TDP1: variants seen among roughly 807,000 people sequenced by gnomAD.
TDP1 encodes tyrosyl-DNA phosphodiesterase 1, also known as tyr-DNA phosphodiesterase 1.
A neutral mutation model predicts 81.5 loss-of-function variants in TDP1; 64 were observed. The ratio of observed to expected loss-of-function variants is 0.79; its 90% confidence interval spans 0.64 to 0.97. The LOEUF (loss-of-function observed/expected upper bound fraction) is 0.97. Ranked by LOEUF, TDP1 falls within the 50% of genes least tolerant of loss-of-function variation. The pLI, the probability that TDP1 is intolerant of heterozygous loss-of-function variation, is 0.00. For missense variants in TDP1, 723 were observed against 743.8 expected (o/e 0.97, Z 0.33); for synonymous variants, 256 against 264.3 (o/e 0.97, Z 0.30).
intron 3 of TDP1, 66 bp downstream of exon 3, chr14:89,963,739 A>C: frequency 1.3e-6 from 2 of 1,553,742 alleles, no homozygotes; most frequent in Non-Finnish European, 1.8e-6. Context: ...CCGTGAAACA[A>C]GGAGGGCAGC....
chr14:90,039,223 A>G (rs1888122215), intron 16 of TDP1, among the ~76,000 whole-genome samples: 1 of 152,254 alleles, frequency 6.6e-6, no homozygotes, highest in Non-Finnish European at 1.5e-5. Context: ...TTCAGATAAC[A>G]TTGATACCGT....
chr14:89,965,824 G>T (rs1892876269), intron 3 of TDP1: 4 of 984,890 alleles, frequency 4.1e-6, no homozygotes, highest in Non-Finnish European at 4.8e-6. Context: ...ACTTGGAGGA[G>T]GTAGAAGTTC....
At position 90,042,826 on chromosome 14, in the gene TDP1, A is replaced by C. The variant is rs1162719458; in HGVS notation, c.1754-244A>C. 3 of 967,874 alleles carry C rather than the reference A, an allele frequency of 3.1e-6. No homozygotes were observed. In the African/African-American group the frequency reaches 5.3e-5, roughly 17 times the overall value. The allele number at this position is 967,874 out of a possible 1,614,324, so 60.0% of individuals were successfully genotyped here. On this transcript the variant is annotated intron_variant, in intron 16 of 16. Transcript: ENST00000335725. ...GTGGGAATTATGAGAGCTGCAATTC[A>C]AAATGAGATTTGGATGGGGACACAG...
At chr14:90,032,938 CG>C (rs3215752) in intron 15 of TDP1, 167 bp from the exon 16 acceptor site, 11 of 851,212 alleles carry the variant, frequency 1.3e-5, no homozygotes, top group Non-Finnish European at 1.6e-5. Flanking sequence ...TAATTTGGGG[CG>C]GGGGGGTTGT....
rs35455108 is a variant in TDP1 at position 89,963,416 on chromosome 14, C to G, written c.302C>G (p.Pro101Arg). Residue 101 changes from proline (P) to arginine (R), a missense_variant, in exon 3 of 17, where the codon CCG becomes CGG. Coordinates refer to ENST00000335725, the MANE Select transcript of TDP1 (RefSeq NM_018319.4). The part of the protein sequence containing the change: ...SSDDELQPEM[P>R]QKQAEKVVIK... ...GATGATGAGCTGCAACCAGAAATGC[C>G]GCAGAAGCAGGCTGAGAAAGTGGTG... 1 of 1,614,076 alleles carries G rather than the reference C, an allele frequency of 6.2e-7. No individual in the cohort carries two copies. Among genetic ancestry groups the G allele is most frequent in the African/African-American group, 1.3e-5 (1 of 75,032 alleles).
rs1216062483 is a variant in TDP1 at position 90,001,066 on chromosome 14, G to A, written c.1541+7583G>A. On this transcript the variant is annotated intron_variant, in intron 14 of 16. Coordinates refer to ENST00000335725, the MANE Select transcript of TDP1 (RefSeq NM_018319.4). ...AATGTATTTCGTATGGTTCCTATTG[G>A]GTCTACGTAATATCTTATTGCCTGT... Among the ~76,000 whole-genome samples the A allele has an allele frequency of 2.0e-5, 3 of 152,016 alleles. No individual in the cohort carries two copies. The South Asian group carries it at 6.2e-4, about 32-fold the overall frequency.
rs1019636123 is a variant in TDP1 at position 89,976,554 on chromosome 14, T to G, written c.791+739T>G. Among the ~76,000 whole-genome samples, 66 of 141,834 alleles carry G rather than the reference T, an allele frequency of 4.7e-4. 1 individual carries two copies. Among genetic ancestry groups the G allele is most frequent in the African/African-American group, 1.7e-3 (62 of 36,848 alleles). 93.0% of individuals were successfully genotyped at this position (141,834 alleles called of 152,430 possible). A position where few individuals can be genotyped will look rare whatever the true frequency, so the allele number is the denominator to read the frequency against. On this transcript the variant is annotated intron_variant, in intron 7 of 16. Coordinates refer to ENST00000335725, the MANE Select transcript of TDP1 (RefSeq NM_018319.4). The stretch of plus-strand genomic sequence containing the variant: ...TTTTTTTTTTTTTTTTTTTTTTTTT[T>G]TAGACAGAGTCTCGCTCTGTTGCCC...
chr14:89,996,305 C>T (rs1276409622), intron 14 of TDP1, among the ~76,000 whole-genome samples: 3 of 152,182 alleles, frequency 2.0e-5, no homozygotes, highest in African/African-American at 4.8e-5. Flanking sequence ...CCATTTTCAC[C>T]ATTCTTACCC....
intron 2 of TDP1, among the ~76,000 whole-genome samples, chr14:89,959,822 T>C (rs999188521): frequency 1.1e-4 from 16 of 152,216 alleles, no homozygotes; most frequent in African/African-American, 3.9e-4. Flanking sequence ...TTAGCAACTC[T>C]TAGTACATAA....
At chr14:89,982,453 T>A (rs996718814) in intron 8 of TDP1, among the ~76,000 whole-genome samples, 1 of 152,214 alleles carries the variant, frequency 6.6e-6, no homozygotes, top group Non-Finnish European at 1.5e-5. Context: ...TAATGTAGCT[T>A]GTTCTCATGA....
At chr14:90,011,655 G>A (rs1884722152) in intron 14 of TDP1, among the ~76,000 whole-genome samples, 2 of 152,198 alleles carry the variant, frequency 1.3e-5, no homozygotes, top group African/African-American at 4.8e-5. Flanking sequence ...ATAGAGATCT[G>A]TGGAACTTTA....
Position 89,988,936 on chromosome 14 carries a change from A to T in TDP1, c.1163A>T (p.Asn388Ile). ...AAAGACCATGCCTCATCCATGCCTA[A>T]CGCAGAGTCCTGGCCTGTCGTAGGT... ...LLKDHASSMPNAESWPVVGQF... is the reference protein window; with the variant it reads ...LLKDHASSMPIAESWPVVGQF... Residue 388 changes from asparagine (N) to isoleucine (I), a missense_variant, in exon 11 of 17, where the codon AAC (asparagine) becomes ATC (isoleucine). By Grantham distance (149) the Asn-to-Ile change is moderately radical. Coordinates refer to ENST00000335725, the MANE Select transcript of TDP1 (RefSeq NM_018319.4). 1 of 1,614,198 alleles carries T rather than the reference A, an allele frequency of 6.2e-7. No individual in the cohort carries two copies. The highest frequency in any genetic ancestry group is 1.1e-5 in the South Asian group (1 of 91,086).
At chr14:89,990,695 T>A (rs531182399) in intron 12 of TDP1, among the ~76,000 whole-genome samples, 1 of 151,890 alleles carries the variant, frequency 6.6e-6, no homozygotes, top group South Asian at 2.1e-4. Context: ...GGGAACAACA[T>A]GGTATTTTTA....
chr14:89,991,971 A>C lies in TDP1; in HGVS notation c.1421A>C (p.His474Pro), dbSNP rs1248828708. The change falls in exon 13 of 17, where the codon CAT becomes CCT. Residue 474 changes from histidine to proline, a missense_variant. Physicochemically the swap from His to Pro is moderately conservative, Grantham distance 77 (BLOSUM62 -2). Transcript: ENST00000335725. ...IQTAEKQNWLHSYFHKWSAET... is the reference protein window; with the variant it reads ...IQTAEKQNWLPSYFHKWSAET... The stretch of plus-strand genomic sequence containing the variant: ...ACAGCTGAAAAACAGAATTGGCTGC[A>C]TTCCTATTTTCAGTAAGTAATTGGT... 1.2e-6 allele frequency: 2 copies of C among 1,612,602 alleles called. No homozygotes were observed.
At chr14:90,012,609 T>C (rs560061384) in intron 14 of TDP1, among the ~76,000 whole-genome samples, 36 of 152,066 alleles carry the variant, frequency 2.4e-4, no homozygotes, top group Non-Finnish European at 4.7e-4. Flanking sequence ...TTCAGAGGTG[T>C]GCTGCAGGGG....
At chr14:89,998,717 T>C (rs1183708079) in intron 14 of TDP1, among the ~76,000 whole-genome samples, 35 of 151,360 alleles carry the variant, frequency 2.3e-4, no homozygotes, top group Admixed American at 2.3e-3. Flanking sequence ...GGAAGAGCCA[T>C]GTGGATGGGT....
chr14:90,011,323 C>A (rs1453272561), intron 14 of TDP1, among the ~76,000 whole-genome samples: 2 of 152,006 alleles, frequency 1.3e-5, no homozygotes, highest in East Asian at 3.9e-4. Context: ...TATAAGGATA[C>A]CCAAAAATGT....
chr14:90,001,833 C>A (rs149644428), intron 14 of TDP1, among the ~76,000 whole-genome samples: 1 of 151,964 alleles, frequency 6.6e-6, no homozygotes, highest in Non-Finnish European at 1.5e-5. Context: ...CTTTTTTCAT[C>A]TTCCCAGTTT....
At chr14:89,980,855 C>T (rs915368915) in intron 8 of TDP1, among the ~76,000 whole-genome samples, 6 of 152,230 alleles carry the variant, frequency 3.9e-5, no homozygotes, top group Non-Finnish European at 8.8e-5. Flanking sequence ...TCATCATCCA[C>T]AGCTACCTCT....
Sources: gnomAD v4.1 joint callset for allele counts (sites outside exome capture counted in the v4.1 genomes callset) on GRCh38, gnomAD v4.1.1 for gene constraint, MANE v1.5 for transcripts, NCBI Gene and HGNC (gene_info 2026-07-23, HGNC 2026-07-21) for gene names.